The following FHIT variants were observed in gnomAD, a reference collection of about 807,000 sequenced individuals.
FHIT encodes fragile histidine triad diadenosine triphosphatase, also known as bis(5'-adenosyl)-triphosphatase.
FHIT carries 19 observed loss-of-function variants against 17.9 expected under a neutral mutation model. The ratio of observed to expected loss-of-function variants is 1.06; its 90% CI spans 0.74 to 1.56. The LOEUF (loss-of-function observed/expected upper bound fraction) is 1.56. FHIT is among the 40% of genes most tolerant of loss of function. The pLI is 0.00. For missense variants in FHIT, 248 were observed against 189.2 expected (o/e 1.31, Z -1.82); for synonymous variants, 81 against 69.7 (o/e 1.16, Z -0.81).
At chr3:60,882,296 C>T (rs73095237) in intron 3 of FHIT, among the ~76,000 whole-genome samples, 8,234 of 152,144 alleles carry the variant, frequency 0.054, 265 homozygotes, top group South Asian at 0.11. Context: ...TTCTACCAAA[C>T]ATTTAAAGAA....
intron 3 of FHIT, among the ~76,000 whole-genome samples, chr3:60,897,745 T>C (rs959936420): frequency 2.0e-5 from 3 of 152,220 alleles, no homozygotes; most frequent in Admixed American, 6.5e-5. Context: ...AACCCCAGGT[T>C]TCCTCAGCAG....
chr3:61,110,247 C>G (rs1276208330), intron 2 of FHIT, among the ~76,000 whole-genome samples: 1 of 152,172 alleles, frequency 6.6e-6, no homozygotes, highest in Non-Finnish European at 1.5e-5. Flanking sequence ...GGCCTCCATG[C>G]TTTCCTCAAA....
chr3:60,018,911 T>A (rs369244811), intron 5 of FHIT, among the ~76,000 whole-genome samples: 1 of 152,042 alleles, frequency 6.6e-6, no homozygotes, highest in African/African-American at 2.4e-5. Context: ...ATCCGGGAGG[T>A]GGAGGTTGCA....
chr3:59,791,276 G>A lies in FHIT; in HGVS notation c.349-38955C>T, dbSNP rs372927044. On this transcript the variant is annotated intron_variant, in intron 8 of 9. Coordinates refer to ENST00000492590, the MANE Select transcript of FHIT (RefSeq NM_002012.4). ...GCAATGATCCTGTAGCTTAACTTGG[G>A]CCAGCATGGTCTGTGCAAAGTTTTT... Among the ~76,000 whole-genome samples, 6 of 152,222 alleles carry A rather than the reference G, an allele frequency of 3.9e-5. No homozygotes were observed. The East Asian group carries it at 9.7e-4, about 25-fold the overall frequency.
At chr3:60,798,752 C>CTTTTTTTTTTTTTTTTTTTTTTTTTT (rs35159710) in intron 4 of FHIT, among the ~76,000 whole-genome samples, 1 of 105,478 alleles carries the variant, frequency 9.5e-6, no homozygotes, top group Non-Finnish European at 1.8e-5. Context: ...ACTGCAATAG[C>CTTTTTTTTTTTTTTTTTTTTTTTTTT]TTTTTTTTTT....
chr3:60,141,499 C>G (rs1040376110), intron 5 of FHIT, among the ~76,000 whole-genome samples: 9 of 151,912 alleles, frequency 5.9e-5, no homozygotes, highest in South Asian at 2.1e-4. Context: ...GAGAATCAGC[C>G]AGTAAAACAG....
chr3:60,783,386 G>A (rs1294233781), intron 4 of FHIT, among the ~76,000 whole-genome samples: 1 of 152,178 alleles, frequency 6.6e-6, no homozygotes, highest in Non-Finnish European at 1.5e-5. Context: ...GAGGTCAGAG[G>A]AGTAAGGCCT....
intron 4 of FHIT, among the ~76,000 whole-genome samples, chr3:60,658,981 T>A (rs991414720): frequency 6.6e-6 from 1 of 151,370 alleles, no homozygotes. Context: ...TTTTTTAATA[T>A]GAGAATGCCT....
At chr3:59,897,496 C>G (rs533069615) in intron 8 of FHIT, among the ~76,000 whole-genome samples, 1 of 152,322 alleles carries the variant, frequency 6.6e-6, no homozygotes, top group African/African-American at 2.4e-5. Flanking sequence ...TCAAGAATCT[C>G]TCAAGGGGAC....
chr3:60,274,099 G>A (rs1707001156), intron 5 of FHIT, among the ~76,000 whole-genome samples: 1 of 152,030 alleles, frequency 6.6e-6, no homozygotes, highest in African/African-American at 2.4e-5. Context: ...AAATCACTCT[G>A]CCTCATTATC....
At chr3:60,125,347 G>C (rs1228791636) in intron 5 of FHIT, among the ~76,000 whole-genome samples, 1 of 152,146 alleles carries the variant, frequency 6.6e-6, no homozygotes, top group Non-Finnish European at 1.5e-5. Context: ...AAATACACAT[G>C]TAGGCCAGGC....
chr3:60,884,531 C>A (rs556317063), intron 3 of FHIT, among the ~76,000 whole-genome samples: 101 of 152,000 alleles, frequency 6.6e-4, no homozygotes, highest in Admixed American at 9.8e-4. Flanking sequence ...AATACTATTC[C>A]GCTTATTTTA....
chr3:61,222,282 C>A, intron 1 of FHIT, among the ~76,000 whole-genome samples: 1 of 152,178 alleles, frequency 6.6e-6, no homozygotes, highest in East Asian at 1.9e-4. Context: ...GGTCCCTGAC[C>A]ACTGGAACAC....
intron 4 of FHIT, among the ~76,000 whole-genome samples, chr3:60,606,483 T>C (rs2038612403): frequency 6.6e-6 from 1 of 152,070 alleles, no homozygotes; most frequent in Admixed American, 6.5e-5. Flanking sequence ...TCAGGCAATC[T>C]GCCCGCCTCA....
At chr3:60,565,232 T>G (rs568639217) in intron 4 of FHIT, among the ~76,000 whole-genome samples, 4 of 152,308 alleles carry the variant, frequency 2.6e-5, no homozygotes, top group African/African-American at 9.6e-5. Flanking sequence ...AAAATTCACA[T>G]GACTGATTTA....
intron 4 of FHIT, among the ~76,000 whole-genome samples, chr3:60,805,939 T>C (rs1209665157): frequency 2.0e-5 from 3 of 152,150 alleles, no homozygotes; most frequent in African/African-American, 7.2e-5. Flanking sequence ...CTTCAGTGTA[T>C]CAATTCAGGG....
At position 60,902,470 on chromosome 3, in the gene FHIT, G is replaced by A. The variant is rs1208602588; in HGVS notation, c.-110-80459C>T. Among the ~76,000 whole-genome samples, 6 of 152,158 alleles carry A rather than the reference G, an allele frequency of 3.9e-5. No homozygotes were observed. In the South Asian group the frequency reaches 8.3e-4, roughly 21 times the overall value. On this transcript the variant is annotated intron_variant, in intron 3 of 9. Coordinates refer to ENST00000492590, the MANE Select transcript of FHIT (RefSeq NM_002012.4). ...CATGTGGTTTATAAAGGGCTGACCCGAAAGTTCCAGAGATGCCCATAGCCA... is the reference window on the plus strand; with the variant it reads ...CATGTGGTTTATAAAGGGCTGACCCAAAAGTTCCAGAGATGCCCATAGCCA...
At chr3:60,138,617 A>C (rs1699912614) in intron 5 of FHIT, among the ~76,000 whole-genome samples, 1 of 152,170 alleles carries the variant, frequency 6.6e-6, no homozygotes, top group East Asian at 1.9e-4. Context: ...TTGTCATGCT[A>C]TCTCCAAGTT....
intron 5 of FHIT, among the ~76,000 whole-genome samples, chr3:60,445,597 G>C (rs560026533): frequency 6.6e-6 from 1 of 152,084 alleles, no homozygotes; most frequent in Non-Finnish European, 1.5e-5. Flanking sequence ...GGTGTGAACA[G>C]TCTATGTCAA....
Sources: allele counts gnomAD v4.1 joint callset (sites outside exome capture counted in the v4.1 genomes callset), GRCh38; gene constraint gnomAD v4.1.1; transcripts MANE v1.5; gene names NCBI Gene and HGNC (gene_info 2026-07-23, HGNC 2026-07-21).